The following SFTPB variants were observed in gnomAD, a reference collection of about 807,000 sequenced individuals.
SFTPB encodes surfactant protein B, also known as pulmonary surfactant-associated protein B.
Under a neutral mutation model 51.0 loss-of-function variants are expected in SFTPB, and 32 were observed. The observed-to-expected ratio is 0.63, with a 90% confidence interval of 0.47 to 0.84. The LOEUF (loss-of-function observed/expected upper bound fraction) is 0.84, where lower values mean the gene tolerates loss of function less well. SFTPB is among the 40% of genes least tolerant of loss of function. The pLI is 0.00. For synonymous variants in SFTPB, 211 were observed against 208.5 expected (o/e 1.01, Z -0.10); for missense variants, 431 against 491.2 (o/e 0.88, Z 1.16).
intron 6 of SFTPB, among the ~76,000 whole-genome samples, chr2:85,664,811 A>C (rs778379649): frequency 3.3e-5 from 5 of 152,204 alleles, no homozygotes; most frequent in Non-Finnish European, 1.5e-5. Context: ...TTGGGCCCCA[A>C]TTTGGGCAAG....
At chr2:85,662,623 T>C (rs1677365047) in intron 8 of SFTPB, among the ~76,000 whole-genome samples, 1 of 152,014 alleles carries the variant, frequency 6.6e-6, no homozygotes, top group Non-Finnish European at 1.5e-5. Context: ...GGCAGATCAC[T>C]TCAGGTCAGG....
intron 3 of SFTPB, 140 bp from the exon 4 acceptor site, chr2:85,666,882 A>C: frequency 8.5e-7 from 1 of 1,177,958 alleles, no homozygotes; most frequent in South Asian, 1.3e-5. Flanking sequence ...GGAGTTAAGT[A>C]GTTGGGCACA....
intron 6 of SFTPB, 73 bp from the exon 7 acceptor site, chr2:85,663,920 G>C: frequency 7.1e-7 from 1 of 1,415,778 alleles, no homozygotes; most frequent in Non-Finnish European, 9.6e-7. Context: ...CCAGCACCCA[G>C]CTGGGCACTT....
Position 85,668,152 on chromosome 2 carries a change from A to C in SFTPB, c.32T>G (p.Leu11Arg), listed in dbSNP as rs886056385. 9.7e-6 allele frequency: 15 copies of C among 1,551,108 alleles called. No homozygotes were observed. The highest frequency in any genetic ancestry group is 8.7e-7 in the Non-Finnish European group (1 of 1,146,872). MAESHLLQWLLLLLPTLCGPG... is the reference protein window; with the variant it reads MAESHLLQWLRLLLPTLCGPG... The stretch of plus-strand genomic sequence containing the variant: ...GCCACAGAGCGTGGGCAGCAGCAGC[A>C]GCAGCCACTGCAGCAGGTGTGACTC... The change falls in exon 1 of 11, where the codon CTG becomes CGG. Residue 11 changes from leucine (L) to arginine (R), a missense_variant. Leu to Arg is a moderately radical substitution (Grantham distance 102). Transcript: ENST00000519937.
rs988137953 is a variant in SFTPB, at chr2:85,662,081, G to T, written c.1031C>A (p.Pro344His). 6.2e-7 allele frequency: 1 copy of T among 1,603,040 alleles called. No homozygotes were observed. Among genetic ancestry groups the T allele is most frequent in the Non-Finnish European group, 8.5e-7 (1 of 1,176,128 alleles). Residue 344 changes from proline (P) to histidine (H), a missense_variant, in exon 9 of 11, where the codon CCC (proline) becomes CAC (histidine). Coordinates refer to ENST00000519937, the MANE Select transcript of SFTPB (RefSeq NM_000542.5). ...KCKQFVEQHT[P>H]QLLTLVPRGW... is the part of the protein sequence containing the mutation. ...CCTGGGCACCAGGGTCAGCAGCTGG[G>T]GCGTGTGCTGCTCCACAAATTGCTT... is the stretch of plus-strand genomic sequence containing the variant.
At chr2:85,663,220 C>A in intron 8 of SFTPB, 126 bp downstream of exon 8, 1 of 1,307,100 alleles carries the variant, frequency 7.7e-7, no homozygotes, top group African/African-American at 1.4e-5. Context: ...TGCCCCACAT[C>A]CTGTCTGCCT....
rs569810989 is a variant in SFTPB at position 85,659,257 on chromosome 2, T to A, written c.*445A>T. The A allele has an allele frequency of 6.6e-6, 1 of 152,234 alleles. No individual in the cohort carries two copies. Among genetic ancestry groups the A allele is most frequent in the Non-Finnish European group, 1.5e-5 (1 of 68,046 alleles). The allele number at this position is 152,234 out of a possible 1,614,324, so 9.4% of individuals were successfully genotyped here. On this transcript the variant is annotated 3_prime_UTR_variant, in exon 11 of 11. Transcript: ENST00000519937. The stretch of plus-strand genomic sequence containing the variant: ...TCCCATTTTTTATTCTTCTGAATTT[T>A]GAATTGCAAGTAGCTGTAAAATCCA...
rs145895555 is a variant in SFTPB, at chr2:85,667,148, G to A, written c.225C>T (p.Ile75=). Residue 75 remains isoleucine (I), a synonymous_variant, in exon 3 of 11, where the codon ATC becomes ATT. Coordinates refer to ENST00000519937, the MANE Select transcript of SFTPB (RefSeq NM_000542.5). ...ADDLCQECED[I]VHILNKMAKE... ...TGGCCATCTTGTTAAGGATGTGGAC[G>A]ATGTCCTCACACTCTTGGCATAGGT... The A allele has an allele frequency of 1.2e-4, 192 of 1,613,762 alleles. No individual in the cohort carries two copies. The highest frequency in any genetic ancestry group is 1.4e-4 in the Non-Finnish European group (162 of 1,179,824).
At chr2:85,661,039 C>T (rs1677267476) in intron 10 of SFTPB, among the ~76,000 whole-genome samples, 1 of 152,148 alleles carries the variant, frequency 6.6e-6, no homozygotes, top group African/African-American at 2.4e-5. Flanking sequence ...ATGATCACGG[C>T]CTTCCTGGCA....
At position 85,665,724 on chromosome 2, in the gene SFTPB, C is replaced by G. The variant is rs1375700814; in HGVS notation, c.464G>C (p.Gly155Ala). ...AGGTTTGGGCAGGGGGTCTGACATC[C>G]CTGGCTCCTGCTCTGGCTCTGGCTG... ...SRQPEPEQEP[G>A]MSDPLPKPLR... Residue 155 changes from glycine (G) to alanine (A), a missense_variant, in exon 5 of 11, where the codon GGG (glycine) becomes GCG (alanine). Transcript: ENST00000519937. 1 of 1,614,096 alleles carries G rather than the reference C, an allele frequency of 6.2e-7. No homozygotes were observed. The highest frequency in any genetic ancestry group is 8.5e-7 in the Non-Finnish European group (1 of 1,180,048).
intron 8 of SFTPB, among the ~76,000 whole-genome samples, chr2:85,662,613 G>A (rs1677364037): frequency 6.6e-6 from 1 of 152,098 alleles, no homozygotes; most frequent in Non-Finnish European, 1.5e-5. Context: ...GGCCAAGGCG[G>A]GCAGATCACT....
intron 5 of SFTPB, 94 bp from the exon 6 acceptor site, chr2:85,665,472 C>T (rs1677526401): frequency 7.0e-7 from 1 of 1,434,298 alleles, no homozygotes; most frequent in Non-Finnish European, 9.8e-7. Flanking sequence ...TCTCTCCCTC[C>T]TCCCTTAGGC....
intron 4 of SFTPB, among the ~76,000 whole-genome samples, chr2:85,666,171 T>G (rs571967765): frequency 1.4e-4 from 20 of 145,014 alleles, no homozygotes; most frequent in African/African-American, 3.6e-4. Context: ...GTGGACAGGG[T>G]GTGTGTGTGT....
At chr2:85,663,869 G>A in intron 6 of SFTPB, 22 bp from the exon 7 acceptor site, 5 of 1,563,858 alleles carry the variant, frequency 3.2e-6, no homozygotes, top group Non-Finnish European at 4.3e-6. Context: ...GCGGAGAGAG[G>A]CCAGCATGGG....
At chr2:85,667,874 C>G in intron 1 of SFTPB, 68 bp from the exon 2 acceptor site, 1 of 1,608,714 alleles carries the variant, frequency 6.2e-7, no homozygotes, top group African/African-American at 1.3e-5. Flanking sequence ...TGATTTCACC[C>G]ACCCTCTAGA....
chr2:85,663,923 G>A, intron 6 of SFTPB, 76 bp from the exon 7 acceptor site: 2 of 1,398,884 alleles, frequency 1.4e-6, no homozygotes, highest in Non-Finnish European at 1.9e-6. Context: ...GCACCCAGCT[G>A]GGCACTTCCT....
chr2:85,661,968 A>C, intron 9 of SFTPB, 61 bp downstream of exon 9: 3 of 1,521,534 alleles, frequency 2.0e-6, no homozygotes, highest in Middle Eastern at 2.1e-4. Flanking sequence ...CACGGGCCCA[A>C]AGGGTGGGGG....
intron 4 of SFTPB, chr2:85,666,388 G>T: frequency 6.2e-6 from 3 of 485,612 alleles, no homozygotes; most frequent in East Asian, 3.5e-5. Flanking sequence ...GCCAGCTGGG[G>T]TACTGTGTGT....
chr2:85,665,458 C>T (rs36177823), intron 5 of SFTPB, 80 bp from the exon 6 acceptor site: 256 of 1,432,590 alleles, frequency 1.8e-4, no homozygotes, highest in Non-Finnish European at 2.4e-4. Context: ...TCTCTTCCTC[C>T]CTTTCTCTCC....
Sources: gnomAD v4.1 joint callset for allele counts (sites outside exome capture counted in the v4.1 genomes callset) on GRCh38, gnomAD v4.1.1 for gene constraint, MANE v1.5 for transcripts, NCBI Gene and HGNC (gene_info 2026-07-23, HGNC 2026-07-21) for gene names.